The following CYSTM1 variants were observed in gnomAD, a reference collection of about 807,000 sequenced individuals.
CYSTM1 encodes cysteine rich transmembrane module containing 1.
In CYSTM1, 4 loss-of-function variants were observed where a neutral mutation model predicts 13.1. The ratio of observed to expected loss-of-function variants is 0.31; its 90% confidence interval spans 0.15 to 0.70. The LOEUF (loss-of-function observed/expected upper bound fraction) is 0.70, where lower values mean the gene tolerates loss of function less well. Among genes scored for constraint, CYSTM1 ranks in the 30% least tolerant of loss-of-function variants. The pLI, the probability that CYSTM1 is intolerant of heterozygous loss-of-function variation, is 0.72. For synonymous variants in CYSTM1, 36 were observed against 42.7 expected, an observed-to-expected ratio of 0.84 and a Z score of 0.62; for missense variants, 96 against 121.6, an observed-to-expected ratio of 0.79 and a Z score of 0.99.
chr5:140,231,923 T>C (rs13175916), intron 2 of CYSTM1, among the ~76,000 whole-genome samples: 29,454 of 152,194 alleles, frequency 0.19, 3,037 homozygotes, highest in South Asian at 0.24. Context: ...AAAGGGATGA[T>C]ATCACATTTG....
intron 2 of CYSTM1, among the ~76,000 whole-genome samples, chr5:140,207,116 G>T (rs1764308214): frequency 1.3e-5 from 2 of 152,222 alleles, no homozygotes; most frequent in African/African-American, 4.8e-5. Context: ...AGCTGGGTCT[G>T]TCAGAGGCTT....
chr5:140,241,238 G>A (rs746204702), intron 2 of CYSTM1, among the ~76,000 whole-genome samples: 9 of 152,248 alleles, frequency 5.9e-5, no homozygotes, highest in Admixed American at 4.6e-4. Context: ...AGCTGCCTGA[G>A]GTTCAGGGGC....
chr5:140,210,400 T>G (rs1327393827), intron 2 of CYSTM1, among the ~76,000 whole-genome samples: 1 of 152,206 alleles, frequency 6.6e-6, no homozygotes, highest in Admixed American at 6.5e-5. Flanking sequence ...AGCAATCACC[T>G]CAGTTATAAC....
Position 140,194,629 on chromosome 5 carries a change from C to T in CYSTM1, c.164C>T (p.Pro55Leu). ...CCACAGTACGGCTGGCAGGGTGGAC[C>T]TCAGGAGCCTCCTAAAACCACAGGT... Reference protein sequence around the residue: ...GYPQYGWQGGPQEPPKTTVYV... With the variant: ...GYPQYGWQGGLQEPPKTTVYV... Residue 55 changes from proline to leucine, a missense_variant, in exon 2 of 3, where the codon CCT becomes CTT. By Grantham distance (98) the Pro-to-Leu change is moderately conservative. Transcript: ENST00000261811. The T allele has an allele frequency of 1.2e-6, 2 of 1,612,998 alleles. No individual in the cohort carries two copies. Among genetic ancestry groups the T allele is most frequent in the Non-Finnish European group, 1.7e-6 (2 of 1,179,560 alleles).
chr5:140,228,218 G>A (rs1764582023), intron 2 of CYSTM1, among the ~76,000 whole-genome samples: 1 of 152,196 alleles, frequency 6.6e-6, no homozygotes, highest in African/African-American at 2.4e-5. Flanking sequence ...CTGGGTTGCA[G>A]TTGTTGTCTC....
chr5:140,219,673 C>A lies in CYSTM1; in HGVS notation c.188-23632C>A, dbSNP rs150535731. On this transcript the variant is annotated intron_variant, in intron 2 of 2. Coordinates refer to ENST00000261811, the MANE Select transcript of CYSTM1 (RefSeq NM_032412.4). The surrounding 1 kb of genome is among the most constrained non-coding windows in gnomAD (Gnocchi z 4.1). The stretch of plus-strand genomic sequence containing the variant: ...AGCTGTTAATCAGTAACACAGGAAT[C>A]TGGTACCTTTTGAAGCCAGTTATGG... Among the ~76,000 whole-genome samples the A allele has an allele frequency of 6.6e-6, 1 of 152,334 alleles. No homozygotes were observed. Among genetic ancestry groups the A allele is most frequent in the East Asian group, 1.9e-4 (1 of 5,184 alleles).
chr5:140,177,226 G>T (rs1429069308), intron 1 of CYSTM1, among the ~76,000 whole-genome samples: 6 of 152,102 alleles, frequency 3.9e-5, no homozygotes, highest in Admixed American at 1.3e-4. Context: ...GGTAATTTAT[G>T]ATTTTTCCCA....
chr5:140,228,698 C>T, intron 2 of CYSTM1: 1 of 399,068 alleles, frequency 2.5e-6, no homozygotes, highest in Non-Finnish European at 4.4e-6. Flanking sequence ...GGGTCTCTCT[C>T]TCCTCTGCCC....
intron 1 of CYSTM1, among the ~76,000 whole-genome samples, chr5:140,188,556 C>A (rs540683581): frequency 1.9e-4 from 29 of 152,154 alleles, no homozygotes; most frequent in Non-Finnish European, 3.8e-4. Context: ...CTTTGGGAGG[C>A]CGAGGCGGGC....
In CYSTM1 at chr5:140,203,538, A is replaced by G. The variant is rs546210627; in HGVS notation, c.187+8886A>G. Among the ~76,000 whole-genome samples, 10 of 152,370 alleles carry G rather than the reference A, an allele frequency of 6.6e-5. No homozygotes were observed. The East Asian group carries it at 1.5e-3, about 23-fold the overall frequency. ...CTTTGGAAACATTACCACAAGTTTCAGTGGTGACAGGTGAATTCCTGTTGA... is the reference window on the plus strand; with the variant it reads ...CTTTGGAAACATTACCACAAGTTTCGGTGGTGACAGGTGAATTCCTGTTGA... On this transcript the variant is annotated intron_variant, in intron 2 of 2. Transcript: ENST00000261811.
At chr5:140,200,374 G>C (rs1764211202) in intron 2 of CYSTM1, 1 of 152,062 alleles carries the variant, frequency 6.6e-6, no homozygotes, top group African/African-American at 2.4e-5. Context: ...TTATTAAATA[G>C]GGAATCCTTT....
intron 2 of CYSTM1, among the ~76,000 whole-genome samples, chr5:140,238,059 G>C (rs1400459779): frequency 1.3e-5 from 2 of 152,244 alleles, no homozygotes; most frequent in African/African-American, 4.8e-5. Context: ...GTGAGACACA[G>C]GTTGGTGGGT....
intron 2 of CYSTM1, among the ~76,000 whole-genome samples, chr5:140,212,758 G>A (rs528386385): frequency 2.1e-4 from 32 of 152,152 alleles, no homozygotes; most frequent in Middle Eastern, 6.8e-3. Flanking sequence ...CTTGAGCCCA[G>A]GAGTTTGAGA....
At chr5:140,222,828 G>A (rs540436984) in intron 2 of CYSTM1, among the ~76,000 whole-genome samples, 1 of 152,314 alleles carries the variant, frequency 6.6e-6, no homozygotes, top group South Asian at 2.1e-4. Flanking sequence ...GGGAATATGG[G>A]AACACTGACA....
At chr5:140,226,491 AT>A in intron 2 of CYSTM1, among the ~76,000 whole-genome samples, 1 of 112,192 alleles carries the variant, frequency 8.9e-6, no homozygotes, top group East Asian at 2.3e-4. Context: ...ATTTATATAT[AT>A]ATAATATATA....
At chr5:140,240,449 C>T (rs1028014849) in intron 2 of CYSTM1, among the ~76,000 whole-genome samples, 4 of 151,802 alleles carry the variant, frequency 2.6e-5, no homozygotes, top group Admixed American at 6.6e-5. Flanking sequence ...ACTCGCACTG[C>T]CAGCTAAGCC....
intron 1 of CYSTM1, among the ~76,000 whole-genome samples, chr5:140,183,091 T>G (rs1287325680): frequency 6.6e-6 from 1 of 152,192 alleles, no homozygotes; most frequent in African/African-American, 2.4e-5. Flanking sequence ...ATTTCAACTT[T>G]CCCACAAAGC....
intron 2 of CYSTM1, among the ~76,000 whole-genome samples, chr5:140,206,917 T>C (rs1764305838): frequency 6.6e-6 from 1 of 152,194 alleles, no homozygotes; most frequent in Non-Finnish European, 1.5e-5. Context: ...ATTACAGGCG[T>C]GTGCCACCAA....
intron 1 of CYSTM1, among the ~76,000 whole-genome samples, chr5:140,181,384 G>A (rs1180712110): frequency 2.0e-5 from 3 of 152,254 alleles, no homozygotes; most frequent in Non-Finnish European, 4.4e-5. Flanking sequence ...TTTGATCGCA[G>A]TTTCTGCACC....
Sources: gnomAD v4.1 joint callset for allele counts (sites outside exome capture counted in the v4.1 genomes callset) on GRCh38, gnomAD v4.1.1 for gene constraint, Gnocchi (gnomAD v3.1) non-coding constraint, MANE v1.5 for transcripts, NCBI Gene and HGNC (gene_info 2026-07-23, HGNC 2026-07-21) for gene names.